Variants in CFAP92 observed in about 807,000 individuals in gnomAD.
The protein encoded by CFAP92 is uncharacterized protein CFAP92.
A neutral mutation model predicts 106.3 loss-of-function variants in CFAP92; 86 were observed. The observed-to-expected ratio is 0.81, with a 90% CI of 0.68 to 0.97. The LOEUF is 0.97. CFAP92 is among the 50% of genes least tolerant of loss of function. The pLI, the probability that CFAP92 is intolerant of heterozygous loss-of-function variation, is 0.00. For missense variants in CFAP92, 1,204 were observed against 1,283.8 expected, an observed-to-expected ratio of 0.94 and a Z score of 0.95; for synonymous variants, 477 against 506.4, an observed-to-expected ratio of 0.94 and a Z score of 0.78.
intron 11 of CFAP92, among the ~76,000 whole-genome samples, chr3:128,934,622 C>G (rs1045020378): frequency 6.6e-6 from 1 of 152,098 alleles, no homozygotes; most frequent in Non-Finnish European, 1.5e-5. Context: ...TCTCTGCCTT[C>G]CAGGTTCAAG....
chr3:128,953,620 C>CCT (rs1553750711), intron 9 of CFAP92, among the ~76,000 whole-genome samples: 17 of 119,512 alleles, frequency 1.4e-4, no homozygotes, highest in African/African-American at 4.6e-4. Flanking sequence ...TCTCCCTCTC[C>CCT]CTCCCTCTCC....
intron 7 of CFAP92, among the ~76,000 whole-genome samples, chr3:128,972,173 A>T (rs905355157): frequency 1.3e-5 from 2 of 152,262 alleles, no homozygotes; most frequent in Admixed American, 1.3e-4. Flanking sequence ...GACTAAAAGT[A>T]TAAAACAAAA....
upstream of CFAP92, among the ~76,000 whole-genome samples, chr3:129,004,746 C>A (rs74499751): frequency 1.0e-3 from 152 of 152,246 alleles, no homozygotes; most frequent in African/African-American, 3.5e-3. Flanking sequence ...AGCCTCACAG[C>A]TGCCCTGTGA....
chr3:128,914,998 G>T, intron 15 of CFAP92, 121 bp downstream of exon 15: 2 of 963,214 alleles, frequency 2.1e-6, no homozygotes, highest in Non-Finnish European at 3.0e-6. Context: ...GCTTTTCTTA[G>T]CATAGAAAGT....
At chr3:128,963,727 AG>A (rs1225273632) in intron 9 of CFAP92, among the ~76,000 whole-genome samples, 1 of 150,016 alleles carries the variant, frequency 6.7e-6, no homozygotes, top group Non-Finnish European at 1.5e-5. Flanking sequence ...GCTATGCTAT[AG>A]TACAAGCCAC....
chr3:128,959,969 CCTAA>C (rs1012615146), intron 9 of CFAP92, among the ~76,000 whole-genome samples: 3 of 152,156 alleles, frequency 2.0e-5, no homozygotes, highest in Non-Finnish European at 4.4e-5. Flanking sequence ...CCCGCCCCAC[CCTAA>C]CTGATCAATG....
chr3:128,935,509 C>T (rs768988620), intron 10 of CFAP92, among the ~76,000 whole-genome samples, 190 bp from the exon 11 acceptor site: 3 of 151,978 alleles, frequency 2.0e-5, no homozygotes, highest in African/African-American at 7.2e-5. Context: ...GTCGGGAGTT[C>T]GAGACCAGCC....
chr3:128,910,238 T>C lies in CFAP92; in HGVS notation c.*61A>G. 1.9e-6 allele frequency: 3 copies of C among 1,592,612 alleles called. No individual in the cohort carries two copies. Among genetic ancestry groups the C allele is most frequent in the African/African-American group, 1.3e-5 (1 of 74,862 alleles). ...AAGTTGATTGTTGAGGAGGGTGTGG[T>C]CGGGTGTGGGGGAGGCTGTGCAGGT... is the stretch of plus-strand genomic sequence containing the variant. On this transcript the variant is annotated 3_prime_UTR_variant, in exon 16 of 16. Transcript: ENST00000645291.
Position 128,965,702 on chromosome 3 carries a change from G to T in CFAP92, c.1169-7C>A, listed in dbSNP as rs1264233104. On this transcript the variant is annotated splice_polypyrimidine_tract_variant and splice_region_variant and intron_variant, in intron 8 of 15. Transcript: ENST00000645291. ...CTCACGACAGTTTGCCATCCTGGGG[G>T]AAATACACCCAGCATTAGACCTTTC... is the stretch of plus-strand genomic sequence containing the variant. The T allele has an allele frequency of 2.5e-6, 1 of 398,502 alleles. No homozygotes were observed. The highest frequency in any genetic ancestry group is 1.3e-4 in the South Asian group (1 of 7,830). The allele number at this position is 398,502 out of a possible 1,614,324, so 24.7% of individuals were successfully genotyped here.
intron 12 of CFAP92, among the ~76,000 whole-genome samples, chr3:128,917,569 A>G (rs779110204): frequency 4.6e-5 from 7 of 152,248 alleles, no homozygotes; most frequent in Non-Finnish European, 8.8e-5. Context: ...CCACAGACTG[A>G]ACAACTGAAG....
chr3:129,003,942 G>C, upstream of CFAP92: 1 of 1,404,794 alleles, frequency 7.1e-7, no homozygotes, highest in Non-Finnish European at 9.2e-7. Context: ...GCCGAGGTGC[G>C]GCGGCGCGCG....
chr3:128,918,003 T>C (rs1936957277), intron 12 of CFAP92, among the ~76,000 whole-genome samples: 1 of 152,116 alleles, frequency 6.6e-6, no homozygotes, highest in African/African-American at 2.4e-5. Context: ...AGATAAACTC[T>C]CAAAGCTTCT....
intron 4 of CFAP92, among the ~76,000 whole-genome samples, chr3:128,980,581 T>G (rs1033725898): frequency 1.3e-5 from 2 of 152,076 alleles, no homozygotes; most frequent in African/African-American, 4.8e-5. Context: ...TTCATAGCAT[T>G]TTGCCCACAG....
chr3:128,970,648 A>G (rs1680791), intron 8 of CFAP92: 22,796 of 152,412 alleles, frequency 0.15, 2,240 homozygotes, highest in East Asian at 0.56. Context: ...CAGTATGTAT[A>G]AAGTCCAGTT....
chr3:128,980,482 C>T (rs1943462464), intron 4 of CFAP92, among the ~76,000 whole-genome samples: 1 of 151,794 alleles, frequency 6.6e-6, no homozygotes, highest in Non-Finnish European at 1.5e-5. Flanking sequence ...ATGGTGGGTG[C>T]TGAGGGCTGG....
At chr3:128,950,880 A>G (rs1940715185) in intron 9 of CFAP92, among the ~76,000 whole-genome samples, 1 of 152,198 alleles carries the variant, frequency 6.6e-6, no homozygotes, top group African/African-American at 2.4e-5. Context: ...TGTTTGCAAA[A>G]GCCATTTAGG....
At chr3:128,988,639 T>C in intron 3 of CFAP92, 89 bp downstream of exon 3, 1 of 1,323,388 alleles carries the variant, frequency 7.6e-7, no homozygotes, top group Non-Finnish European at 1.1e-6. Flanking sequence ...AAGCTGGAGG[T>C]GGAGCTGATG....
Position 128,945,655 on chromosome 3 carries a change from C to A in CFAP92, c.1674G>T (p.Lys558Asn). Residue 558 changes from lysine (K) to asparagine (N), a missense_variant, in exon 10 of 16, where the codon AAG (lysine) becomes AAT (asparagine). Coordinates refer to ENST00000645291, the MANE Select transcript of CFAP92 (RefSeq NM_001394090.1). ...TENNPFESQN[K>N]MWYPYGIAQV... The stretch of plus-strand genomic sequence containing the variant: ...GGGCGATGCCATAAGGGTACCACAT[C>A]TTGTTCTGGGACTCAAAGGGGTTGT... The A allele has an allele frequency of 1.3e-6, 2 of 1,536,102 alleles. No homozygotes were observed. Among genetic ancestry groups the A allele is most frequent in the Non-Finnish European group, 1.7e-6 (2 of 1,146,924 alleles).
chr3:128,952,653 T>C (rs932224970), intron 9 of CFAP92, among the ~76,000 whole-genome samples: 4 of 152,270 alleles, frequency 2.6e-5, no homozygotes, highest in African/African-American at 9.6e-5. Flanking sequence ...TGGTGGTGCA[T>C]GCCTTTAGTC....
Sources: allele counts gnomAD v4.1 joint callset (sites outside exome capture counted in the v4.1 genomes callset), GRCh38; gene constraint gnomAD v4.1.1; transcripts MANE v1.5; gene names NCBI Gene and HGNC (gene_info 2026-07-23, HGNC 2026-07-21).